MTUS2: variants seen among roughly 807,000 people sequenced by gnomAD.
MTUS2 encodes the protein microtubule associated scaffold protein 2, also known as microtubule-associated tumor suppressor candidate 2.
MTUS2 carries 40 observed loss-of-function variants against 114.1 expected under a neutral mutation model. The observed-to-expected ratio is 0.35, with a 90% CI of 0.27 to 0.46. MTUS2 has a LOEUF of 0.46. Among genes scored for constraint, MTUS2 ranks in the 20% least tolerant of loss-of-function variants. The pLI is 1.00. For synonymous variants in MTUS2, 688 were observed against 672.0 expected (o/e 1.02, Z -0.37); for missense variants, 1,679 against 1,705.4 (o/e 0.98, Z 0.27).
At chr13:29,075,192 C>G (rs1301975519) in intron 4 of MTUS2, among the ~76,000 whole-genome samples, 21 of 152,156 alleles carry the variant, frequency 1.4e-4, no homozygotes, top group Admixed American at 1.4e-3. Flanking sequence ...GCATTTCATT[C>G]CTGTGTTAAT....
At chr13:29,188,393 C>T (rs193087767) in intron 5 of MTUS2, among the ~76,000 whole-genome samples, 43 of 152,160 alleles carry the variant, frequency 2.8e-4, no homozygotes, top group East Asian at 1.2e-3. Flanking sequence ...TGAATGAGCC[C>T]GAAATGGCCT....
intron 2 of MTUS2, among the ~76,000 whole-genome samples, chr13:28,888,035 C>G (rs1467926708): frequency 6.6e-6 from 1 of 152,206 alleles, no homozygotes; most frequent in African/African-American, 2.4e-5. Context: ...AGCTCTAGTA[C>G]CACTCTTCTG....
chr13:29,200,521 G>GGTTTTTTTTTTTT lies in MTUS2; in HGVS notation c.2645-81183_2645-81182insGTTTTTTTTTTTT, dbSNP rs1309388936. ...TGGTTTTGAGTGAGTTTCTTTTTCT[G>GGTTTTTTTTTTTT]TTTTTTTTTTTTTTTTGAGATGGAG... On this transcript the variant is annotated intron_variant, in intron 5 of 15. Transcript: ENST00000612955. Among the ~76,000 whole-genome samples, 3 of 85,430 alleles carry GGTTTTTTTTTTTT rather than the reference G, an allele frequency of 3.5e-5. 1 individual carries two copies. Among genetic ancestry groups the GGTTTTTTTTTTTT allele is most frequent in the African/African-American group, 1.5e-4 (3 of 20,184 alleles). 56.0% of individuals were successfully genotyped at this position (85,430 alleles called of 152,430 possible).
At chr13:28,912,924 A>G (rs1227567223) in intron 2 of MTUS2, among the ~76,000 whole-genome samples, 5 of 152,140 alleles carry the variant, frequency 3.3e-5, no homozygotes, top group African/African-American at 1.2e-4. Flanking sequence ...CACAATACCT[A>G]ATGCTAAATG....
intron 11 of MTUS2, chr13:29,489,745 A>G (rs1342089383): frequency 1.3e-5 from 2 of 152,234 alleles, no homozygotes; most frequent in African/African-American, 4.8e-5. Context: ...CACCGTATTA[A>G]GCGTGAGACA....
chr13:29,095,645 T>C (rs1890146698), intron 4 of MTUS2, among the ~76,000 whole-genome samples: 1 of 152,120 alleles, frequency 6.6e-6, no homozygotes, highest in Admixed American at 6.5e-5. Context: ...TCTCTGAGGC[T>C]CCACTTATTT....
intron 2 of MTUS2, among the ~76,000 whole-genome samples, chr13:29,009,034 G>A (rs1037310301): frequency 1.3e-5 from 2 of 150,096 alleles, no homozygotes; most frequent in Admixed American, 6.6e-5. Flanking sequence ...TTTTTGGTGG[G>A]GAGTTCTAAT....
intron 6 of MTUS2, among the ~76,000 whole-genome samples, chr13:29,308,583 G>A (rs763848528): frequency 7.9e-5 from 12 of 151,996 alleles, no homozygotes; most frequent in Non-Finnish European, 1.8e-4. Context: ...GCTTCTGCAC[G>A]GCAAAAGAAA....
At chr13:29,092,296 G>T (rs1330954114) in intron 4 of MTUS2, among the ~76,000 whole-genome samples, 1 of 152,068 alleles carries the variant, frequency 6.6e-6, no homozygotes, top group Non-Finnish European at 1.5e-5. Context: ...TTTTTACACT[G>T]TCATGCCCAC....
intron 2 of MTUS2, among the ~76,000 whole-genome samples, chr13:28,925,063 A>G (rs146278654): frequency 9.9e-4 from 150 of 152,204 alleles, no homozygotes; most frequent in Non-Finnish European, 1.6e-3. Flanking sequence ...CCTTTCTCTA[A>G]TGCTAAGAGG....
At chr13:28,947,329 G>C (rs142038493) in intron 2 of MTUS2, among the ~76,000 whole-genome samples, 21 of 152,288 alleles carry the variant, frequency 1.4e-4, no homozygotes, top group African/African-American at 4.8e-4. Flanking sequence ...CTGAATTAAA[G>C]ATTAGGGGCT....
chr13:29,308,157 A>G (rs889985492), intron 6 of MTUS2, among the ~76,000 whole-genome samples: 1 of 152,196 alleles, frequency 6.6e-6, no homozygotes, highest in Non-Finnish European at 1.5e-5. Context: ...TTCAAACTAT[A>G]CTACAAGACT....
chr13:29,220,280 C>T (rs1287128343), intron 5 of MTUS2, among the ~76,000 whole-genome samples: 1 of 152,202 alleles, frequency 6.6e-6, no homozygotes, highest in East Asian at 1.9e-4. Flanking sequence ...GGATTACAGG[C>T]ATGAGCCACT....
At chr13:28,907,666 ATAATGGTAAAGGGATC>A (rs1306130276) in intron 2 of MTUS2, among the ~76,000 whole-genome samples, 7 of 151,760 alleles carry the variant, frequency 4.6e-5, no homozygotes, top group Non-Finnish European at 7.4e-5. Flanking sequence ...AGGCCATTAC[ATAATGGTAAAGGGATC>A]AATTCAACAA....
chr13:28,891,858 C>CAAAA (rs1169875500), intron 2 of MTUS2, among the ~76,000 whole-genome samples: 9 of 52,170 alleles, frequency 1.7e-4, no homozygotes, highest in Non-Finnish European at 3.0e-4. Context: ...GACTCTGTCT[C>CAAAA]AAAAAAAAAA....
In MTUS2 at chr13:29,389,676, C is replaced by A. The variant is rs1267804829; in HGVS notation, c.3117+30203C>A. On this transcript the variant is annotated intron_variant, in intron 8 of 15. Coordinates refer to ENST00000612955, the MANE Select transcript of MTUS2 (RefSeq NM_001033602.4). ...ACGTATATATGTATATGTATATATA[C>A]ATATATGTATGTATATATGTGTATA... Among the ~76,000 whole-genome samples the A allele has an allele frequency of 1.4e-5, 2 of 140,908 alleles. 1 individual carries two copies. The highest frequency in any genetic ancestry group is 5.4e-5 in the African/African-American group (2 of 37,230). The allele number at this position is 140,908 out of a possible 152,430, so 92.4% of individuals were successfully genotyped here. A position where few individuals can be genotyped will look rare whatever the true frequency, so the allele number is the denominator to read the frequency against.
chr13:29,219,483 T>C (rs1050241656), intron 5 of MTUS2, among the ~76,000 whole-genome samples: 1 of 152,122 alleles, frequency 6.6e-6, no homozygotes, highest in African/African-American at 2.4e-5. Flanking sequence ...TTTGGGTATA[T>C]ACCCAGTAAT....
chr13:28,912,461 T>C (rs906399868), intron 2 of MTUS2, among the ~76,000 whole-genome samples: 2 of 152,298 alleles, frequency 1.3e-5, no homozygotes, highest in South Asian at 2.1e-4. Flanking sequence ...TCCAGCTTTG[T>C]TGTTTTTGCT....
chr13:29,364,323 T>C (rs570029591), intron 8 of MTUS2, among the ~76,000 whole-genome samples: 2 of 152,236 alleles, frequency 1.3e-5, no homozygotes, highest in South Asian at 4.1e-4. Flanking sequence ...AAGAGCGTAT[T>C]GGGACGAGAA....
Sources: gnomAD v4.1 joint callset for allele counts (sites outside exome capture counted in the v4.1 genomes callset) on GRCh38, gnomAD v4.1.1 for gene constraint, MANE v1.5 for transcripts, NCBI Gene and HGNC (gene_info 2026-07-23, HGNC 2026-07-21) for gene names.